Variants in POC5 observed in about 807,000 individuals in gnomAD.
POC5 encodes centrosomal protein POC5.
In POC5, 48 loss-of-function variants were observed where a neutral mutation model predicts 62.9. That is an observed-to-expected ratio of 0.76 (90% CI 0.61 to 0.97). The LOEUF is 0.97. Among genes scored for constraint, POC5 ranks in the 50% least tolerant of loss-of-function variants. POC5 has a pLI of 0.00. For missense variants in POC5, 696 were observed against 679.5 expected, an observed-to-expected ratio of 1.02 and a Z score of -0.27; for synonymous variants, 236 against 228.2, an observed-to-expected ratio of 1.03 and a Z score of -0.31.
chr5:75,704,282 G>C (rs1393643367), intron 4 of POC5, among the ~76,000 whole-genome samples: 5 of 152,056 alleles, frequency 3.3e-5, no homozygotes, highest in Non-Finnish European at 7.4e-5. Flanking sequence ...TAATAACAAA[G>C]ATGGAAGAGC....
In POC5 at chr5:75,702,700, C is replaced by A. The variant is rs1361954421; in HGVS notation, c.418G>T (p.Asp140Tyr). 6.2e-7 allele frequency: 1 copy of A among 1,610,830 alleles called. No individual in the cohort carries two copies. The highest frequency in any genetic ancestry group is 1.3e-5 in the African/African-American group (1 of 74,996). Residue 140 changes from aspartate to tyrosine, a missense_variant, in exon 5 of 12, where the codon GAT (aspartate) becomes TAT (tyrosine). Coordinates refer to ENST00000428202, the MANE Select transcript of POC5 (RefSeq NM_001099271.2). Reference sequence around the variant, plus strand: ...TCGCTCACAAGTATTTCATGGGCATCTGTATGACTAGAATTTGTTGCTGGT... The same window carrying A: ...TCGCTCACAAGTATTTCATGGGCATATGTATGACTAGAATTTGTTGCTGGT... ...SSPATNSSHTDAHEILVSDFL... is the reference protein window; with the variant it reads ...SSPATNSSHTYAHEILVSDFL...
At chr5:75,711,828 G>A (rs1215096285) in intron 2 of POC5, among the ~76,000 whole-genome samples, 1 of 152,124 alleles carries the variant, frequency 6.6e-6, no homozygotes, top group African/African-American at 2.4e-5. Context: ...TTATTCTTTT[G>A]ATTTAAAGCT....
rs569844050 is a variant in POC5 at position 75,700,893 on chromosome 5, T to A, written c.513+1712A>T. Among the ~76,000 whole-genome samples, 25 of 136,812 alleles carry A rather than the reference T, an allele frequency of 1.8e-4. 1 individual carries two copies. Among genetic ancestry groups the A allele is most frequent in the African/African-American group, 6.2e-4 (24 of 38,520 alleles). 89.8% of individuals were successfully genotyped at this position (136,812 alleles called of 152,430 possible). On this transcript the variant is annotated intron_variant, in intron 5 of 11. Transcript: ENST00000428202. ...TACAAGAAAAAAGCAAACAACCCCA[T>A]CAAAAAGTGGGCAAAGGACATGAAC...
At chr5:75,688,380 C>T (rs192843364) in intron 9 of POC5, among the ~76,000 whole-genome samples, 361 of 152,098 alleles carry the variant, frequency 2.4e-3, no homozygotes, top group Non-Finnish European at 3.9e-3. Context: ...AATCTAAGGC[C>T]GAATGAGGAA....
chr5:75,677,694 C>CATGTT, intron 11 of POC5, 80 bp downstream of exon 11: 1 of 1,138,416 alleles, frequency 8.8e-7, no homozygotes, highest in Non-Finnish European at 1.2e-6. Flanking sequence ...ATCTTCTCAA[C>CATGTT]ATGTTATGTA....
chr5:75,674,704 AGTG>A, intron 11 of POC5, 126 bp from the exon 12 acceptor site: 1 of 1,192,972 alleles, frequency 8.4e-7, no homozygotes, highest in Non-Finnish European at 1.2e-6. Context: ...AGAAGCAATG[AGTG>A]GAGTGAAGCA....
At chr5:75,710,626 T>C (rs556880380) in intron 2 of POC5, among the ~76,000 whole-genome samples, 4 of 152,216 alleles carry the variant, frequency 2.6e-5, no homozygotes, top group Non-Finnish European at 4.4e-5. Context: ...CTGACCCTTT[T>C]GGGCTGTGAT....
At chr5:75,681,307 C>A (rs566044534) in intron 10 of POC5, among the ~76,000 whole-genome samples, 1 of 151,988 alleles carries the variant, frequency 6.6e-6, no homozygotes, top group Non-Finnish European at 1.5e-5. Flanking sequence ...CTAATGATAC[C>A]CTTTCACTTT....
rs571658989 is a variant in POC5 at position 75,682,149 on chromosome 5, A to G, written c.1407+3058T>C. On this transcript the variant is annotated intron_variant, in intron 10 of 11. Transcript: ENST00000428202. The stretch of plus-strand genomic sequence containing the variant: ...TAGGGCAGACAGGGAAGGGCTGTCT[A>G]CAGAATATTATGGTTTTCAGGTTTC... Among the ~76,000 whole-genome samples the G allele has an allele frequency of 9.9e-4, 151 of 152,298 alleles. 1 individual carries two copies. The highest frequency in any genetic ancestry group is 1.3e-3 in the Non-Finnish European group (86 of 68,016).
intron 2 of POC5, chr5:75,712,484 T>C (rs1194389421): frequency 1.9e-6 from 3 of 1,554,554 alleles, no homozygotes; most frequent in Non-Finnish European, 2.7e-6. Context: ...AATCTTGAGC[T>C]CTAGAACTTT....
intron 5 of POC5, among the ~76,000 whole-genome samples, chr5:75,697,259 T>C (rs1217828254): frequency 1.3e-5 from 2 of 152,010 alleles, no homozygotes; most frequent in Non-Finnish European, 2.9e-5. Context: ...AATTGTCAGA[T>C]TCGCCAAAGT....
intron 6 of POC5, 93 bp from the exon 7 acceptor site, chr5:75,692,593 T>A (rs1163385866): frequency 4.9e-6 from 4 of 820,622 alleles, no homozygotes; most frequent in Non-Finnish European, 7.6e-6. Context: ...CTAGAGAGGA[T>A]AGGTATGGAT....
intron 10 of POC5, among the ~76,000 whole-genome samples, chr5:75,678,398 A>G (rs1775755317): frequency 6.6e-6 from 1 of 152,080 alleles, no homozygotes; most frequent in South Asian, 2.1e-4. Context: ...CTATCACTCA[A>G]TCAAGATACA....
chr5:75,688,932 A>C, intron 9 of POC5, 80 bp downstream of exon 9: 1 of 1,309,294 alleles, frequency 7.6e-7, no homozygotes, highest in Middle Eastern at 2.0e-4. Flanking sequence ...GATTATTTGT[A>C]CTGTAGACCA....
chr5:75,686,606 G>A (rs925755473), intron 9 of POC5, among the ~76,000 whole-genome samples: 4 of 152,120 alleles, frequency 2.6e-5, no homozygotes, highest in African/African-American at 9.7e-5. Flanking sequence ...AACTTGTTTT[G>A]GTAGAGATTC....
chr5:75,714,448 A>G (rs1016653406), intron 1 of POC5, among the ~76,000 whole-genome samples: 10 of 152,212 alleles, frequency 6.6e-5, no homozygotes, highest in Non-Finnish European at 1.3e-4. Flanking sequence ...TCTCTTTGAT[A>G]GTAATTAAGA....
chr5:75,688,633 C>T (rs370002136), intron 9 of POC5, among the ~76,000 whole-genome samples: 32 of 152,228 alleles, frequency 2.1e-4, no homozygotes, highest in African/African-American at 7.5e-4. Flanking sequence ...ATAACAAATA[C>T]TTACCAAAAT....
Position 75,693,905 on chromosome 5 carries a change from C to A in POC5, c.690+750G>T, listed in dbSNP as rs118105961. Among the ~76,000 whole-genome samples the A allele has an allele frequency of 1.3e-3, 192 of 152,256 alleles. 2 individuals carry two copies. The East Asian group carries it at 0.033, about 26-fold the overall frequency. On this transcript the variant is annotated intron_variant, in intron 6 of 11. Transcript: ENST00000428202. ...AATTAGCACAGACTTGAATCTTACC[C>A]TCGAATTCTTAAGAAGCTAAAGGAA...
chr5:75,679,239 T>G (rs1480065942), intron 10 of POC5, among the ~76,000 whole-genome samples: 2 of 152,148 alleles, frequency 1.3e-5, no homozygotes, highest in African/African-American at 4.8e-5. Context: ...GCTGAGGTAG[T>G]TATATTCTTA....
Sources: gnomAD v4.1 joint callset for allele counts (sites outside exome capture counted in the v4.1 genomes callset) on GRCh38, gnomAD v4.1.1 for gene constraint, MANE v1.5 for transcripts, NCBI Gene and HGNC (gene_info 2026-07-23, HGNC 2026-07-21) for gene names.